Variants in INPP5K observed in about 807,000 individuals in gnomAD.
The protein encoded by INPP5K is inositol polyphosphate-5-phosphatase K.
Under a neutral mutation model 53.5 loss-of-function variants are expected in INPP5K, and 35 were observed. The observed-to-expected ratio is 0.65, with a 90% CI of 0.50 to 0.87. The LOEUF is 0.87. Among genes scored for constraint, INPP5K ranks in the 40% least tolerant of loss-of-function variants. INPP5K has a pLI of 0.00. For missense variants in INPP5K, 550 were observed against 586.2 expected (o/e 0.94, Z 0.64); for synonymous variants, 253 against 232.8 (o/e 1.09, Z -0.79).
rs2074903776 is a variant in INPP5K, at chr17:1,498,004, C to A, written c.895G>T (p.Gly299Cys). The stretch of plus-strand genomic sequence containing the variant: ...CCGTACGTCATGTGGCTGCTGTAGC[C>A]CCTCAGAGACAAGGAGAAGTGTGAC... The part of the protein sequence containing the change: ...PASHFSLSLR[G>C]YSSHMTYGIS... Residue 299 changes from glycine to cysteine, a missense_variant, in exon 8 of 12, where the codon GGC becomes TGC. Coordinates refer to ENST00000421807, the MANE Select transcript of INPP5K (RefSeq NM_016532.4). The A allele has an allele frequency of 6.2e-7, 1 of 1,613,964 alleles. No homozygotes were observed. Among genetic ancestry groups the A allele is most frequent in the African/African-American group, 1.3e-5 (1 of 74,894 alleles).
chr17:1,495,862 C>T lies in INPP5K; in HGVS notation c.1308G>A (p.Leu436=), dbSNP rs1235460141. 1 of 1,613,306 alleles carries T rather than the reference C, an allele frequency of 6.2e-7. No individual in the cohort carries two copies. ...GTGCTTCACCCAGTGGGTCCTCCCTCAAGGAGCCAGGCGGGATCTGCAGGG... is the reference window on the plus strand; with the variant it reads ...GTGCTTCACCCAGTGGGTCCTCCCTTAAGGAGCCAGGCGGGATCTGCAGGG... ...SRPFQIPPGS[L]REDPLGEAQP... The change falls in exon 12 of 12, where the codon TTG becomes TTA. Residue 436 remains leucine, a synonymous_variant. Coordinates refer to ENST00000421807, the MANE Select transcript of INPP5K (RefSeq NM_016532.4).
At chr17:1,507,208 A>T (rs749202358) in intron 6 of INPP5K, 119 bp from the exon 7 acceptor site, 7 of 680,532 alleles carry the variant, frequency 1.0e-5, no homozygotes, top group African/African-American at 3.6e-5. Context: ...AAGCAATGCC[A>T]CTCCAATTCC....
intron 6 of INPP5K, 167 bp from the exon 7 acceptor site, chr17:1,507,256 C>G: frequency 3.4e-6 from 2 of 582,440 alleles, no homozygotes; most frequent in Non-Finnish European, 6.1e-6. Flanking sequence ...CCACTCCCAC[C>G]AGAAAGCAGG....
intron 3 of INPP5K, among the ~76,000 whole-genome samples, chr17:1,511,666 C>T (rs527957602): frequency 1.3e-5 from 2 of 152,298 alleles, no homozygotes; most frequent in African/African-American, 4.8e-5. Flanking sequence ...CTCTCTCCTA[C>T]ACCCAAGCAC....
chr17:1,506,308 A>C (rs2075153591), intron 7 of INPP5K, among the ~76,000 whole-genome samples: 2 of 152,130 alleles, frequency 1.3e-5, no homozygotes, highest in African/African-American at 4.8e-5. Context: ...TACAGGTGTG[A>C]GCCACCGCGC....
At position 1,514,271 on chromosome 17, in the gene INPP5K, C is replaced by T. The variant is rs369131911; in HGVS notation, c.45-292G>A. Among the ~76,000 whole-genome samples the T allele has an allele frequency of 8.0e-5, 12 of 150,864 alleles. No individual in the cohort carries two copies. The East Asian group carries it at 1.4e-3, about 17-fold the overall frequency. The stretch of plus-strand genomic sequence containing the variant: ...CCACGAGGCAGAGGTTGCAGTGAGC[C>T]GACATTGTGCCACTGCACTCCAGCC... On this transcript the variant is annotated intron_variant, in intron 1 of 11. Coordinates refer to ENST00000421807, the MANE Select transcript of INPP5K (RefSeq NM_016532.4).
intron 11 of INPP5K, 47 bp from the exon 12 acceptor site, chr17:1,495,926 C>G: frequency 6.5e-7 from 1 of 1,537,130 alleles, no homozygotes; most frequent in Non-Finnish European, 9.0e-7. Flanking sequence ...GGTCTTCCTC[C>G]GTGCTTTCCA....
intron 6 of INPP5K, chr17:1,507,497 G>A (rs553793534): frequency 2.6e-5 from 5 of 194,424 alleles, no homozygotes; most frequent in East Asian, 1.3e-4. Context: ...ATGGGCTGAC[G>A]CATGATGGTA....
chr17:1,507,148 A>T, intron 6 of INPP5K, 59 bp from the exon 7 acceptor site: 2 of 1,282,892 alleles, frequency 1.6e-6, no homozygotes, highest in Non-Finnish European at 2.3e-6. Flanking sequence ...GCCCAGTACC[A>T]CACTCCATTC....
rs1464483148 is a variant in INPP5K at position 1,496,764 on chromosome 17, G to C, written c.1003C>G (p.Pro335Ala). The change falls in exon 9 of 12, where the codon CCC becomes GCC. Residue 335 changes from proline (P) to alanine (A), a missense_variant. By Grantham distance (27) the Pro-to-Ala change is conservative. Transcript: ENST00000421807. Reference sequence around the variant, plus strand: ...TTTTCCACGGTCCACAGGTCCTCGGGCATCAGGACGATCAGCGGAGCAGAC... The same window carrying C: ...TTTTCCACGGTCCACAGGTCCTCGGCCATCAGGACGATCAGCGGAGCAGAC... ...LVSAPLIVLMPEDLWTVENDM... is the reference protein window; with the variant it reads ...LVSAPLIVLMAEDLWTVENDM... 6.2e-7 allele frequency: 1 copy of C among 1,614,156 alleles called. No homozygotes were observed. The highest frequency in any genetic ancestry group is 1.7e-5 in the Admixed American group (1 of 60,016).
chr17:1,500,958 C>CTT (rs546504445), intron 7 of INPP5K, among the ~76,000 whole-genome samples: 14 of 135,282 alleles, frequency 1.0e-4, no homozygotes, highest in Admixed American at 4.5e-4. Flanking sequence ...TATTCAACTG[C>CTT]TTTTTTTTTT....
chr17:1,514,557 T>TA (rs2075388435), intron 1 of INPP5K, among the ~76,000 whole-genome samples: 1 of 151,896 alleles, frequency 6.6e-6, no homozygotes, highest in Non-Finnish European at 1.5e-5. Context: ...GCTGCTGATA[T>TA]AGCAGAGTCG....
At chr17:1,515,426 CA>C in intron 1 of INPP5K, 1 of 985,498 alleles carries the variant, frequency 1.0e-6, no homozygotes, top group Admixed American at 6.1e-5. Flanking sequence ...GAGAGACCTA[CA>C]GATGTCTTTA....
chr17:1,503,846 C>T (rs941522308), intron 7 of INPP5K, among the ~76,000 whole-genome samples: 2 of 152,182 alleles, frequency 1.3e-5, no homozygotes, highest in African/African-American at 4.8e-5. Context: ...GGGAGCTGGC[C>T]TCGTTTCTCA....
chr17:1,496,517 C>T, intron 9 of INPP5K, 115 bp from the exon 10 acceptor site: 3 of 1,323,096 alleles, frequency 2.3e-6, no homozygotes, highest in Non-Finnish European at 3.2e-6. Context: ...TGCCTCCCCG[C>T]CGCCCTTCAC....
chr17:1,503,715 T>C (rs973594169), intron 7 of INPP5K, among the ~76,000 whole-genome samples: 4 of 151,922 alleles, frequency 2.6e-5, no homozygotes, highest in Non-Finnish European at 4.4e-5. Context: ...GAAAACTCTG[T>C]CTCGAAAAAA....
intron 5 of INPP5K, 136 bp from the exon 6 acceptor site, chr17:1,508,362 C>T (rs1310388210): frequency 1.7e-5 from 12 of 703,200 alleles, no homozygotes; most frequent in South Asian, 9.6e-5. Context: ...CGCCAGGGCA[C>T]GCGTGGGTCC....
intron 7 of INPP5K, among the ~76,000 whole-genome samples, chr17:1,502,135 G>A (rs903083253): frequency 3.3e-5 from 5 of 151,810 alleles, no homozygotes; most frequent in East Asian, 3.9e-4. Context: ...AGATCATGAG[G>A]TCAGGACATG....
intron 7 of INPP5K, among the ~76,000 whole-genome samples, chr17:1,500,000 T>C (rs2074965162): frequency 6.6e-6 from 1 of 151,826 alleles, no homozygotes; most frequent in African/African-American, 2.4e-5. Flanking sequence ...CCAGGCTGAG[T>C]GCGGTGGCAC....
Sources: allele counts gnomAD v4.1 joint callset (sites outside exome capture counted in the v4.1 genomes callset), GRCh38; gene constraint gnomAD v4.1.1; transcripts MANE v1.5; gene names NCBI Gene and HGNC (gene_info 2026-07-23, HGNC 2026-07-21).